The following PHLDB2 variants were observed in gnomAD, a reference collection of about 807,000 sequenced individuals.
PHLDB2 encodes pleckstrin homology like domain family B member 2.
In PHLDB2, 71 loss-of-function variants were observed where a neutral mutation model predicts 123.6. The ratio of observed to expected loss-of-function variants is 0.57; its 90% CI spans 0.47 to 0.70. PHLDB2 has a LOEUF of 0.70. Among genes scored for constraint, PHLDB2 ranks in the 30% least tolerant of loss-of-function variants. PHLDB2 has a pLI of 0.00. For synonymous variants in PHLDB2, 547 were observed against 541.6 expected (o/e 1.01, Z -0.14); for missense variants, 1,446 against 1,519.5 (o/e 0.95, Z 0.80).
chr3:111,757,356 T>C (rs1000341838), intron 1 of PHLDB2, among the ~76,000 whole-genome samples: 1 of 152,228 alleles, frequency 6.6e-6, no homozygotes, highest in Non-Finnish European at 1.5e-5. Context: ...TTCTTTTTAT[T>C]CTTTTTTCTC....
At chr3:111,750,876 G>T (rs1372633721) in intron 1 of PHLDB2, among the ~76,000 whole-genome samples, 1 of 151,292 alleles carries the variant, frequency 6.6e-6, no homozygotes, top group East Asian at 1.9e-4. Context: ...AACCTGTGAG[G>T]TGTAGGTTGC....
chr3:111,921,894 G>A (rs1039139959), intron 5 of PHLDB2, among the ~76,000 whole-genome samples: 4 of 152,256 alleles, frequency 2.6e-5, no homozygotes, highest in African/African-American at 7.2e-5. Flanking sequence ...GAGCCGCCGC[G>A]CCCGGCCCAA....
At chr3:111,839,335 A>G (rs887019321) in intron 1 of PHLDB2, among the ~76,000 whole-genome samples, 4 of 152,200 alleles carry the variant, frequency 2.6e-5, no homozygotes, top group Non-Finnish European at 5.9e-5. Flanking sequence ...GTCAATGACA[A>G]TGTCCTGATT....
Position 111,974,530 on chromosome 3 carries a change from G to C in PHLDB2, c.3729G>C (p.Thr1243=). The change falls in exon 18 of 18, where the codon ACG becomes ACC. Residue 1243 remains threonine (T), a synonymous_variant. Coordinates refer to ENST00000431670, the MANE Select transcript of PHLDB2 (RefSeq NM_001134438.2). ...GGATCTGGATGGATGTTATAGTTAC[G>C]GGGGCAGAAGGTTACACTCACTTCT... ...AMRIWMDVIV[T]GAEGYTHFLL 6.2e-7 allele frequency: 1 copy of C among 1,613,014 alleles called. No homozygotes were observed. Among genetic ancestry groups the C allele is most frequent in the Non-Finnish European group, 8.5e-7 (1 of 1,179,480 alleles).
At chr3:111,853,873 C>CAA (rs35423122) in intron 2 of PHLDB2, among the ~76,000 whole-genome samples, 1 of 148,054 alleles carries the variant, frequency 6.8e-6, no homozygotes, top group Non-Finnish European at 1.5e-5. Flanking sequence ...ACTCCATCTC[C>CAA]AAAAAAAAAA....
In PHLDB2 at chr3:111,884,232, A is replaced by T. The variant is rs764465443; in HGVS notation, c.155A>T (p.Asn52Ile). 13 of 1,614,066 alleles carry T rather than the reference A, an allele frequency of 8.1e-6. No individual in the cohort carries two copies. The African/African-American group carries it at 1.5e-4, about 18-fold the overall frequency. ...TCTTCCAGTCTGAGATTTAAAGCCA[A>T]TGGAGACTATTCTGGCTCCTATTTA... ...KYSSSLRFKA[N>I]GDYSGSYLTL... Residue 52 changes from asparagine (N) to isoleucine (I), a missense_variant, in exon 2 of 18, where the codon AAT becomes ATT. Asn to Ile is a moderately radical substitution (Grantham distance 149). Around this residue, in one of 3 missense-constraint regions of PHLDB2, gnomAD observed 832 missense variants for 831.9 expected, o/e 1.00. Transcript: ENST00000431670.
intron 1 of PHLDB2, among the ~76,000 whole-genome samples, chr3:111,765,005 C>T (rs551079492): frequency 3.9e-5 from 6 of 152,306 alleles, no homozygotes; most frequent in South Asian, 2.1e-4. Context: ...CACTGGTCAT[C>T]GGGTCCACCC....
Position 111,919,073 on chromosome 3 carries a change from C to T in PHLDB2, c.1721C>T (p.Thr574Ile), listed in dbSNP as rs1412556925. The T allele has an allele frequency of 3.1e-6, 5 of 1,613,620 alleles. No individual in the cohort carries two copies. Among genetic ancestry groups the T allele is most frequent in the Admixed American group, 1.7e-5 (1 of 59,996 alleles). ...CATTTCTGTGTTGATTAATCGCAGA[C>T]CCCAGAGGGTATAAGTGAAGAACAG... ...ESSYLSILPK[T>I]PEGISEEQRS... Residue 574 changes from threonine to isoleucine, a missense_variant and splice_region_variant, in exon 4 of 18, where the codon ACC becomes ATC. By Grantham distance (89) the Thr-to-Ile change is moderately conservative. This residue lies in a region of PHLDB2 where 832 missense variants were observed against 831.9 expected (regional missense o/e 1.00). Transcript: ENST00000431670.
rs138191742 is a variant in PHLDB2 at position 111,850,924 on chromosome 3, G to A, written c.67+4989G>A. On this transcript the variant is annotated intron_variant, in intron 2 of 17. Coordinates refer to the PHLDB2 transcript ENST00000393923. Reference sequence around the variant, plus strand: ...TAAAATAATGTTTTTGGCCAGGCGTGGTGGCTCACGCCTGTAATCCCAGCA... The same window carrying A: ...TAAAATAATGTTTTTGGCCAGGCGTAGTGGCTCACGCCTGTAATCCCAGCA... Among the ~76,000 whole-genome samples, 1,314 of 152,226 alleles carry A rather than the reference G, an allele frequency of 8.6e-3. 13 individuals carry two copies. Among genetic ancestry groups the A allele is most frequent in the African/African-American group, 0.03 (1,253 of 41,528 alleles).
In PHLDB2 at chr3:111,839,370, G is replaced by GA. The variant is rs945696824; in HGVS notation, c.-48-6446dup. Among the ~76,000 whole-genome samples the GA allele has an allele frequency of 6.3e-4, 96 of 152,202 alleles. 1 individual carries two copies. Among genetic ancestry groups the GA allele is most frequent in the Middle Eastern group, 3.4e-3 (1 of 292 alleles). On this transcript the variant is annotated intron_variant, in intron 1 of 17. Transcript: ENST00000393923. ...TTTGATTCTTGTGTATTGGTTATCT[G>GA]AAAAATGCCCTTCTTGGAAGAGTTA... is the stretch of plus-strand genomic sequence containing the variant.
intron 1 of PHLDB2, among the ~76,000 whole-genome samples, chr3:111,769,621 TA>T (rs1159680177): frequency 6.6e-6 from 1 of 152,242 alleles, no homozygotes; most frequent in Non-Finnish European, 1.5e-5. Context: ...AGAGTGATGT[TA>T]GGGAACTGGA....
At chr3:111,885,847 G>A (rs535647725) in intron 2 of PHLDB2, 1 of 517,052 alleles carries the variant, frequency 1.9e-6, no homozygotes, top group Admixed American at 3.7e-5. Context: ...TAGTAAATTT[G>A]TCTTTATAGC....
At position 111,919,189 on chromosome 3, in the gene PHLDB2, G is replaced by A. The variant is rs1160303709; in HGVS notation, c.1837G>A (p.Asp613Asn). ...ELKQKIKDIN[D>N]QMDESFRELD... ...TAAGCAAAAAATCAAAGACATAAAT[G>A]ATCAGATGGATGAGTCTTTCAGAGA... Residue 613 changes from aspartate to asparagine, a missense_variant, in exon 4 of 18, where the codon GAT (aspartate) becomes AAT (asparagine). Asp to Asn is a conservative substitution (Grantham distance 23). This residue lies in a region of PHLDB2 where 832 missense variants were observed against 831.9 expected (regional missense o/e 1.00). Coordinates refer to ENST00000431670, the MANE Select transcript of PHLDB2 (RefSeq NM_001134438.2). 1.2e-6 allele frequency: 2 copies of A among 1,614,006 alleles called. No homozygotes were observed. Among genetic ancestry groups the A allele is most frequent in the Non-Finnish European group, 1.7e-6 (2 of 1,179,976 alleles).
intron 1 of PHLDB2, among the ~76,000 whole-genome samples, chr3:111,793,505 C>T (rs910012327): frequency 9.2e-5 from 14 of 151,944 alleles, no homozygotes; most frequent in Non-Finnish European, 1.6e-4. Context: ...TGCTCTACCC[C>T]ACTGTGGCCG....
chr3:111,863,647 C>T (rs1464256134), intron 1 of PHLDB2, among the ~76,000 whole-genome samples: 1 of 152,198 alleles, frequency 6.6e-6, no homozygotes, highest in Non-Finnish European at 1.5e-5. Flanking sequence ...TAGATAGCGG[C>T]AGAATCTGCA....
intron 1 of PHLDB2, among the ~76,000 whole-genome samples, chr3:111,754,703 G>A (rs1030625492): frequency 3.4e-5 from 5 of 147,840 alleles, no homozygotes; most frequent in African/African-American, 1.3e-4. Context: ...TAGGAGTGGT[G>A]AGAGAGGGCA....
At chr3:111,740,183 A>G (rs1006151085) in intron 1 of PHLDB2, among the ~76,000 whole-genome samples, 5 of 152,088 alleles carry the variant, frequency 3.3e-5, no homozygotes, top group African/African-American at 1.2e-4. Flanking sequence ...TATCACCCAG[A>G]CCCATGCCTA....
At chr3:111,768,276 A>G (rs1400318284) in intron 1 of PHLDB2, among the ~76,000 whole-genome samples, 1 of 152,212 alleles carries the variant, frequency 6.6e-6, no homozygotes, top group East Asian at 1.9e-4. Flanking sequence ...TCAGAAGAGA[A>G]CTAAGGGATT....
chr3:111,850,282 T>A (rs2064193942), intron 2 of PHLDB2, among the ~76,000 whole-genome samples: 1 of 151,976 alleles, frequency 6.6e-6, no homozygotes, highest in Admixed American at 6.5e-5. Context: ...ATAATGGACT[T>A]TAGAAACTCA....
Sources: allele counts gnomAD v4.1 joint callset (sites outside exome capture counted in the v4.1 genomes callset), GRCh38; gene constraint gnomAD v4.1.1; regional missense constraint gnomAD v4.1.1; transcripts MANE v1.5; gene names NCBI Gene and HGNC (gene_info 2026-07-23, HGNC 2026-07-21).